KIF1B: variants seen among roughly 807,000 people sequenced by gnomAD.
KIF1B encodes the protein kinesin-like protein KIF1B.
Under a neutral mutation model 241.9 loss-of-function variants are expected in KIF1B, and 76 were observed. The ratio of observed to expected loss-of-function variants is 0.31; its 90% confidence interval spans 0.26 to 0.38. The LOEUF (loss-of-function observed/expected upper bound fraction) is 0.38. KIF1B is among the 10% of genes least tolerant of loss of function. KIF1B has a pLI of 1.00. For synonymous variants in KIF1B, 750 were observed against 796.7 expected, an observed-to-expected ratio of 0.94 and a Z score of 0.99; for missense variants, 1,622 against 2,271.4, an observed-to-expected ratio of 0.71 and a Z score of 5.81.
chr1:10,267,115 A>G (rs1278957279), intron 5 of KIF1B, among the ~76,000 whole-genome samples: 1 of 151,774 alleles, frequency 6.6e-6, no homozygotes, highest in African/African-American at 2.4e-5. Flanking sequence ...CCTCCCAGGT[A>G]CAGGCGATTT....
intron 5 of KIF1B, among the ~76,000 whole-genome samples, chr1:10,263,727 AT>A (rs1448765044): frequency 6.6e-6 from 1 of 152,182 alleles, no homozygotes; most frequent in African/African-American, 2.4e-5. Flanking sequence ...AGGTGATAGA[AT>A]TTTTGAGCTT....
intron 2 of KIF1B, among the ~76,000 whole-genome samples, chr1:10,233,823 G>T (rs1322386154): frequency 6.6e-6 from 1 of 150,672 alleles, no homozygotes; most frequent in Non-Finnish European, 1.5e-5. Flanking sequence ...TGTATTTTTA[G>T]TAGAGACAGG....
intron 2 of KIF1B, among the ~76,000 whole-genome samples, chr1:10,241,979 C>T (rs773872684): frequency 1.3e-4 from 20 of 152,080 alleles, no homozygotes; most frequent in African/African-American, 2.9e-4. Context: ...GTTCAGTTTT[C>T]GGTAGTACCT....
At chr1:10,266,433 A>G (rs979566783) in intron 5 of KIF1B, among the ~76,000 whole-genome samples, 2 of 152,196 alleles carry the variant, frequency 1.3e-5, no homozygotes, top group African/African-American at 4.8e-5. Flanking sequence ...GGTCCTGCCA[A>G]TGAGACAAGA....
chr1:10,325,985 T>C (rs1651707533), intron 26 of KIF1B, 126 bp from the exon 27 acceptor site: 2 of 1,289,286 alleles, frequency 1.6e-6, no homozygotes, highest in Non-Finnish European at 2.2e-6. Context: ...TCCTTTTGCT[T>C]TTCCATTTGC....
chr1:10,228,617 A>T (rs1286651519), intron 1 of KIF1B, among the ~76,000 whole-genome samples: 1 of 152,138 alleles, frequency 6.6e-6, no homozygotes, highest in Non-Finnish European at 1.5e-5. Flanking sequence ...GCCTATCTAG[A>T]CTGGGAGAGT....
At chr1:10,267,610 CT>C in intron 6 of KIF1B, 52 bp downstream of exon 6, 5 of 1,577,740 alleles carry the variant, frequency 3.2e-6, no homozygotes, top group Non-Finnish European at 4.4e-6. Flanking sequence ...TTTTGAGGTC[CT>C]TTTTTCCCAG....
chr1:10,291,986 A>G (rs1650022314), intron 16 of KIF1B, 61 bp from the exon 17 acceptor site: 1 of 1,406,182 alleles, frequency 7.1e-7, no homozygotes, highest in South Asian at 1.2e-5. Context: ...TCCAATTCAT[A>G]TTAGACTGAT....
chr1:10,225,108 G>C (rs1017919938), intron 1 of KIF1B, among the ~76,000 whole-genome samples: 1 of 152,186 alleles, frequency 6.6e-6, no homozygotes, highest in Non-Finnish European at 1.5e-5. Context: ...CTCACCTCCT[G>C]CTGTGTGGCC....
Position 10,271,496 on chromosome 1 carries a change from T to C in KIF1B, c.721-6T>C, listed in dbSNP as rs763435118. 19 of 1,608,632 alleles carry C rather than the reference T, an allele frequency of 1.2e-5. No homozygotes were observed. Among genetic ancestry groups the C allele is most frequent in the Non-Finnish European group, 1.5e-5 (18 of 1,175,028 alleles). Reference sequence around the variant, plus strand: ...GAATTGCCCCCATGTTATTGTTCTTTATCAGGTCAGTAAAATCAGCTTGGT... The same window carrying C: ...GAATTGCCCCCATGTTATTGTTCTTCATCAGGTCAGTAAAATCAGCTTGGT... On this transcript the variant is annotated splice_region_variant and splice_polypyrimidine_tract_variant and intron_variant, in intron 7 of 48. Coordinates refer to ENST00000676179, the MANE Select transcript of KIF1B (RefSeq NM_001365951.3).
At chr1:10,218,487 C>T (rs1025991218) in intron 1 of KIF1B, among the ~76,000 whole-genome samples, 7 of 151,984 alleles carry the variant, frequency 4.6e-5, no homozygotes, top group Non-Finnish European at 8.8e-5. Context: ...GTGGTGTGAC[C>T]TTGGCTCACT....
chr1:10,355,803 T>C (rs1638225906), intron 38 of KIF1B, among the ~76,000 whole-genome samples: 1 of 152,226 alleles, frequency 6.6e-6, no homozygotes, highest in African/African-American at 2.4e-5. Context: ...GCAAAACTGT[T>C]CACTTTCTTC....
intron 15 of KIF1B, among the ~76,000 whole-genome samples, chr1:10,287,403 G>C (rs1048484085): frequency 2.0e-5 from 3 of 152,126 alleles, no homozygotes; most frequent in African/African-American, 7.2e-5. Flanking sequence ...CACCATGTGA[G>C]CCAGCTGATC....
chr1:10,272,915 A>G, intron 9 of KIF1B, 99 bp from the exon 10 acceptor site: 1 of 1,011,084 alleles, frequency 9.9e-7, no homozygotes, highest in African/African-American at 1.6e-5. Context: ...GCCTTGGAGA[A>G]ATCATAATCT....
intron 1 of KIF1B, among the ~76,000 whole-genome samples, chr1:10,221,686 T>A (rs1646847211): frequency 6.6e-6 from 1 of 152,172 alleles, no homozygotes; most frequent in Non-Finnish European, 1.5e-5. Flanking sequence ...GCTATAAAAA[T>A]TTATTTTTGG....
At position 10,296,599 on chromosome 1, in the gene KIF1B, C is replaced by T; in HGVS notation, c.1795C>T (p.Pro599Ser). 1.9e-6 allele frequency: 3 copies of T among 1,613,676 alleles called. No individual in the cohort carries two copies. Among genetic ancestry groups the T allele is most frequent in the Non-Finnish European group, 2.5e-6 (3 of 1,179,754 alleles). Residue 599 changes from proline to serine, a missense_variant, in exon 20 of 49, where the codon CCC (proline) becomes TCC (serine). Pro to Ser is a moderately conservative substitution (Grantham distance 74). Around this residue, in one of 7 missense-constraint regions of KIF1B, gnomAD observed 44 missense variants for 28.6 expected, o/e 1.54. Transcript: ENST00000676179. ...CCTCTTAGTTATCGTGACCTTAGAGCCCTGTGAGCGCTCAGAAACCTACGT... is the reference window on the plus strand; with the variant it reads ...CCTCTTAGTTATCGTGACCTTAGAGTCCTGTGAGCGCTCAGAAACCTACGT... ...NSGEVIVTLE[P>S]CERSETYVNG...
At chr1:10,321,955 A>G in intron 24 of KIF1B, 98 bp downstream of exon 24, 2 of 1,351,332 alleles carry the variant, frequency 1.5e-6, no homozygotes, top group South Asian at 2.4e-5. Context: ...CTTTGGGGGA[A>G]CTCAGCTGCT....
intron 22 of KIF1B, among the ~76,000 whole-genome samples, chr1:10,311,983 T>C (rs1346618310): frequency 6.6e-6 from 1 of 151,514 alleles, no homozygotes; most frequent in Non-Finnish European, 1.5e-5. Flanking sequence ...TTTCCCAGTG[T>C]AACACGGCTA....
intron 36 of KIF1B, 140 bp from the exon 37 acceptor site, chr1:10,348,509 A>T (rs570477352): frequency 1.5e-5 from 11 of 713,356 alleles, no homozygotes; most frequent in Non-Finnish European, 2.8e-5. Flanking sequence ...TTTGAATAAC[A>T]ATGTGGATAG....
Sources: gnomAD v4.1 joint callset for allele counts (sites outside exome capture counted in the v4.1 genomes callset) on GRCh38, gnomAD v4.1.1 for gene constraint, gnomAD v4.1.1 regional missense constraint, MANE v1.5 for transcripts, NCBI Gene and HGNC (gene_info 2026-07-23, HGNC 2026-07-21) for gene names.